CNTNAP5: variants seen among roughly 807,000 people sequenced by gnomAD.
The protein encoded by CNTNAP5 is contactin associated protein family member 5.
Under a neutral mutation model 150.2 loss-of-function variants are expected in CNTNAP5, and 72 were observed. That is an observed-to-expected ratio of 0.48 (90% CI 0.40 to 0.58). The LOEUF is 0.58. CNTNAP5 is among the 20% of genes least tolerant of loss of function. CNTNAP5 has a pLI of 0.00. For missense variants in CNTNAP5, 1,636 were observed against 1,626.2 expected, an observed-to-expected ratio of 1.01 and a Z score of -0.10; for synonymous variants, 672 against 619.8, an observed-to-expected ratio of 1.08 and a Z score of -1.25.
intron 16 of CNTNAP5, among the ~76,000 whole-genome samples, chr2:124,770,463 C>A (rs1040903900): frequency 6.6e-6 from 1 of 152,160 alleles, no homozygotes; most frequent in Non-Finnish European, 1.5e-5. Flanking sequence ...CAAGACTAGC[C>A]TTGCAGGAAA....
intron 3 of CNTNAP5, among the ~76,000 whole-genome samples, chr2:124,284,665 G>A (rs560263252): frequency 6.6e-6 from 1 of 152,226 alleles, no homozygotes; most frequent in South Asian, 2.1e-4. Flanking sequence ...AGAGCATCTT[G>A]TGTTCTCAAG....
chr2:124,177,688 G>A (rs1240457745), intron 1 of CNTNAP5, among the ~76,000 whole-genome samples: 2 of 152,112 alleles, frequency 1.3e-5, no homozygotes, highest in African/African-American at 2.4e-5. Flanking sequence ...CGCACACAAA[G>A]CACACACAAA....
chr2:124,623,667 G>C (rs1183103197), intron 12 of CNTNAP5, among the ~76,000 whole-genome samples: 1 of 152,152 alleles, frequency 6.6e-6, no homozygotes, highest in African/African-American at 2.4e-5. Context: ...AGAAAGCCTA[G>C]ATCCTTCTCC....
intron 11 of CNTNAP5, 29 bp from the exon 12 acceptor site, chr2:124,609,772 T>A: frequency 6.2e-7 from 1 of 1,609,646 alleles, no homozygotes; most frequent in Non-Finnish European, 8.5e-7. Context: ...CCAAGCAAAG[T>A]TTTATCTCTG....
chr2:124,390,462 C>T (rs1691081249), intron 3 of CNTNAP5, among the ~76,000 whole-genome samples: 2 of 152,250 alleles, frequency 1.3e-5, no homozygotes, highest in African/African-American at 4.8e-5. Flanking sequence ...ACTGGCTAGC[C>T]CCAATCTGAT....
At chr2:124,426,930 G>C (rs1475321068) in intron 4 of CNTNAP5, among the ~76,000 whole-genome samples, 2 of 152,162 alleles carry the variant, frequency 1.3e-5, no homozygotes, top group African/African-American at 4.8e-5. Flanking sequence ...GTGCACTGTA[G>C]AGCCTGCCTT....
intron 10 of CNTNAP5, among the ~76,000 whole-genome samples, chr2:124,553,970 T>C (rs1345296387): frequency 6.6e-6 from 1 of 152,108 alleles, no homozygotes; most frequent in African/African-American, 2.4e-5. Context: ...CCGATGGGAG[T>C]GTTCTGGTGC....
At chr2:124,837,021 A>G (rs540999889) in intron 19 of CNTNAP5, among the ~76,000 whole-genome samples, 1 of 152,166 alleles carries the variant, frequency 6.6e-6, no homozygotes, top group Non-Finnish European at 1.5e-5. Context: ...AGCACCTCTC[A>G]TCTTCCCCTG....
At chr2:124,258,224 A>G (rs1160620860) in intron 3 of CNTNAP5, among the ~76,000 whole-genome samples, 2 of 152,268 alleles carry the variant, frequency 1.3e-5, no homozygotes, top group East Asian at 3.9e-4. Context: ...GTCAGGGGAA[A>G]GAAGAGGGTG....
intron 1 of CNTNAP5, among the ~76,000 whole-genome samples, chr2:124,072,462 C>A (rs1039519622): frequency 1.3e-5 from 2 of 151,840 alleles, no homozygotes; most frequent in Admixed American, 6.6e-5. Context: ...ACAATATGAT[C>A]TTATATCCAG....
chr2:124,204,063 C>T (rs925896610), intron 1 of CNTNAP5, among the ~76,000 whole-genome samples: 2 of 152,122 alleles, frequency 1.3e-5, no homozygotes, highest in African/African-American at 2.4e-5. Flanking sequence ...GGTTCCAATT[C>T]CAAATCATAT....
At chr2:124,631,784 C>T (rs755903963) in intron 12 of CNTNAP5, among the ~76,000 whole-genome samples, 2 of 152,176 alleles carry the variant, frequency 1.3e-5, no homozygotes, top group East Asian at 1.9e-4. Flanking sequence ...AGCAAACAGA[C>T]AACCTACAGA....
intron 2 of CNTNAP5, among the ~76,000 whole-genome samples, chr2:124,235,838 G>C (rs1686731784): frequency 6.6e-6 from 1 of 152,108 alleles, no homozygotes; most frequent in Non-Finnish European, 1.5e-5. Context: ...CTCCTTTGTT[G>C]TTTTCTGCAG....
chr2:124,406,480 G>T (rs1345378807), intron 3 of CNTNAP5, among the ~76,000 whole-genome samples: 1 of 151,876 alleles, frequency 6.6e-6, no homozygotes, highest in Non-Finnish European at 1.5e-5. Flanking sequence ...ATTATTTTTT[G>T]AAAAACTATG....
intron 10 of CNTNAP5, among the ~76,000 whole-genome samples, chr2:124,546,424 G>A (rs1196365698): frequency 6.6e-6 from 1 of 152,060 alleles, no homozygotes; most frequent in Non-Finnish European, 1.5e-5. Flanking sequence ...TGCAAGGGGG[G>A]AAGTCACTGA....
At chr2:124,592,249 T>C (rs1696702516) in intron 11 of CNTNAP5, among the ~76,000 whole-genome samples, 1 of 152,102 alleles carries the variant, frequency 6.6e-6, no homozygotes, top group South Asian at 2.1e-4. Flanking sequence ...GACATGGTGT[T>C]TCTGGGTCAA....
chr2:124,184,327 T>G (rs57578864), intron 1 of CNTNAP5, among the ~76,000 whole-genome samples: 34,025 of 152,086 alleles, frequency 0.22, 4,086 homozygotes, highest in African/African-American at 0.3. Flanking sequence ...GGCGGAGCTT[T>G]GCATGGAGAA....
At chr2:124,170,190 A>G (rs1327005971) in intron 1 of CNTNAP5, among the ~76,000 whole-genome samples, 1 of 152,310 alleles carries the variant, frequency 6.6e-6, no homozygotes, top group East Asian at 1.9e-4. Context: ...GGCAGGCAGC[A>G]TATGGTGATA....
intron 4 of CNTNAP5, among the ~76,000 whole-genome samples, chr2:124,429,099 C>T (rs948485462): frequency 2.6e-5 from 4 of 152,166 alleles, no homozygotes; most frequent in African/African-American, 7.2e-5. Context: ...CGTTATGATA[C>T]TACCTCATGA....
Sources: gnomAD v4.1 joint callset for allele counts (sites outside exome capture counted in the v4.1 genomes callset) on GRCh38, gnomAD v4.1.1 for gene constraint, MANE v1.5 for transcripts, NCBI Gene and HGNC (gene_info 2026-07-23, HGNC 2026-07-21) for gene names.